Variants in ABCA12 observed in about 807,000 individuals in gnomAD.
ABCA12 encodes glucosylceramide transporter ABCA12.
ABCA12 carries 156 observed loss-of-function variants against 293.5 expected under a neutral mutation model. That is an observed-to-expected ratio of 0.53 (90% confidence interval 0.47 to 0.61). The LOEUF is 0.61. Ranked by LOEUF, ABCA12 falls within the 20% of genes least tolerant of loss-of-function variation. The pLI is 0.00. For synonymous variants in ABCA12, 1,063 were observed against 1,108.0 expected (o/e 0.96, Z 0.81); for missense variants, 2,797 against 3,090.2 (o/e 0.91, Z 2.25).
At chr2:214,951,178 T>G in intron 44 of ABCA12, 95 bp from the exon 45 acceptor site, 2 of 1,094,242 alleles carry the variant, frequency 1.8e-6, no homozygotes, top group Admixed American at 1.7e-5. Flanking sequence ...ACTAACAGTG[T>G]ACTAGTCATC....
chr2:215,127,706 C>G (rs1575061637), intron 1 of ABCA12, among the ~76,000 whole-genome samples: 5 of 152,212 alleles, frequency 3.3e-5, no homozygotes, highest in South Asian at 2.1e-4. Context: ...GATGGGTCTC[C>G]TGAAGGCAGC....
chr2:215,114,564 T>C (rs971121922), intron 1 of ABCA12, among the ~76,000 whole-genome samples: 7 of 152,164 alleles, frequency 4.6e-5, no homozygotes, highest in Admixed American at 2.6e-4. Flanking sequence ...CAGGATTCTT[T>C]TTTTTATAAT....
Position 214,931,690 on chromosome 2 carries a change from G to A in ABCA12, c.*944C>T, listed in dbSNP as rs1247556829. On this transcript the variant is annotated 3_prime_UTR_variant, in exon 53 of 53. Coordinates refer to ENST00000272895, the MANE Select transcript of ABCA12 (RefSeq NM_173076.3). ...CCACGTCACTTGCCATTATTAAGAAGTCTATCCTATAGCCATATACACGAT... is the reference window on the plus strand; with the variant it reads ...CCACGTCACTTGCCATTATTAAGAAATCTATCCTATAGCCATATACACGAT... The A allele has an allele frequency of 6.6e-6, 1 of 152,582 alleles. No individual in the cohort carries two copies. Among genetic ancestry groups the A allele is most frequent in the Non-Finnish European group, 1.5e-5 (1 of 68,074 alleles). The allele number at this position is 152,582 out of a possible 1,614,324, so 9.5% of individuals were successfully genotyped here.
rs190015552 is a variant in ABCA12 at position 214,945,830 on chromosome 2, G to A, written c.7240-726C>T. On this transcript the variant is annotated intron_variant, in intron 48 of 52. Transcript: ENST00000272895. The stretch of plus-strand genomic sequence containing the variant: ...AACTAGAGGCTTGTTTTTACAGAAT[G>A]ATGTAAAATCTAAAGAAAGGAATGG... Among the ~76,000 whole-genome samples, 21 of 152,250 alleles carry A rather than the reference G, an allele frequency of 1.4e-4. 1 individual carries two copies. The highest frequency in any genetic ancestry group is 4.8e-4 in the African/African-American group (20 of 41,544).
At chr2:214,981,469 A>T (rs1574959671) in intron 30 of ABCA12, among the ~76,000 whole-genome samples, 1 of 152,104 alleles carries the variant, frequency 6.6e-6, no homozygotes, top group Non-Finnish European at 1.5e-5. Flanking sequence ...GATATCTCTA[A>T]TTAGATTCTT....
At position 214,989,187 on chromosome 2, in the gene ABCA12, C is replaced by CATATATATATATATATATATATACAT. The variant is rs71399168; in HGVS notation, c.3829+141_3829+142insATGTATATATATATATATATATATAT. On this transcript the variant is annotated intron_variant, in intron 26 of 52. Transcript: ENST00000272895. ...GAGGGAGACTCCATCTCAATACATA[C>CATATATATATATATATATATATACAT]ATATATATATATATATATATATAAT... is the stretch of plus-strand genomic sequence containing the variant. 3.6e-3 allele frequency: 102 copies of CATATATATATATATATATATATACAT among 28,148 alleles called. 2 individuals are homozygous for CATATATATATATATATATATATACAT. The highest frequency in any genetic ancestry group is 6.1e-3 in the African/African-American group (98 of 16,024). The allele number at this position is 28,148 out of a possible 1,614,324, so 1.7% of individuals were successfully genotyped here. A position where few individuals can be genotyped will look rare whatever the true frequency, so the allele number is the denominator to read the frequency against.
At chr2:215,054,773 A>G (rs774172023) in intron 3 of ABCA12, 109 bp from the exon 4 acceptor site, 3 of 813,762 alleles carry the variant, frequency 3.7e-6, no homozygotes, top group Admixed American at 3.8e-5. Context: ...CAAATATTTA[A>G]TATAGTTTCC....
chr2:214,959,781 G>C (rs1278405090), intron 39 of ABCA12, among the ~76,000 whole-genome samples: 1 of 152,114 alleles, frequency 6.6e-6, no homozygotes, highest in Non-Finnish European at 1.5e-5. Flanking sequence ...GTTTATACTT[G>C]AGTAAAAAAC....
chr2:214,989,898 G>A (rs1699877356), intron 24 of ABCA12, among the ~76,000 whole-genome samples: 1 of 152,084 alleles, frequency 6.6e-6, no homozygotes, highest in Admixed American at 6.6e-5. Flanking sequence ...ATGTTGCTCA[G>A]CAAGTAATAA....
Position 215,015,589 on chromosome 2 carries a change from T to C in ABCA12, c.1857A>G (p.Lys619=). ...CTGAAAGAGACAGGTTGCAGAATTC[T>C]TTCATTGCATCTTCTAGTTTGGGAG... ...ITTPKLEDAM[K]EFCNLSLSER... Residue 619 remains lysine, a synonymous_variant, in exon 15 of 53, where the codon AAA becomes AAG. Coordinates refer to ENST00000272895, the MANE Select transcript of ABCA12 (RefSeq NM_173076.3). 1 of 1,614,106 alleles carries C rather than the reference T, an allele frequency of 6.2e-7. No homozygotes were observed. The highest frequency in any genetic ancestry group is 8.5e-7 in the Non-Finnish European group (1 of 1,179,966).
At chr2:215,000,670 T>A in intron 22 of ABCA12, 35 bp downstream of exon 22, 1 of 1,611,812 alleles carries the variant, frequency 6.2e-7, no homozygotes. Flanking sequence ...GAAAAGTTGT[T>A]GATCATTAAA....
intron 45 of ABCA12, among the ~76,000 whole-genome samples, chr2:214,949,757 G>T (rs1022194743): frequency 2.6e-5 from 4 of 152,116 alleles, no homozygotes; most frequent in Admixed American, 6.6e-5. Flanking sequence ...GTTTTTTGGG[G>T]AGGACTGGAA....
chr2:214,967,958 T>C (rs916245452), intron 38 of ABCA12, among the ~76,000 whole-genome samples: 4 of 152,152 alleles, frequency 2.6e-5, no homozygotes, highest in Non-Finnish European at 5.9e-5. Context: ...CTCTACCTCA[T>C]TTTAGGTATA....
At chr2:214,985,163 C>T (rs1196633708) in intron 28 of ABCA12, among the ~76,000 whole-genome samples, 3 of 152,124 alleles carry the variant, frequency 2.0e-5, no homozygotes, top group Non-Finnish European at 2.9e-5. Flanking sequence ...CTATTTAGAA[C>T]AATAAAATGG....
intron 5 of ABCA12, 73 bp downstream of exon 5, chr2:215,052,414 T>C (rs529985859): frequency 7.9e-7 from 1 of 1,265,190 alleles, no homozygotes; most frequent in East Asian, 2.4e-5. Flanking sequence ...TCTTGCTATT[T>C]GAGAGATCCT....
chr2:214,953,666 C>T (rs1430597738), intron 44 of ABCA12, among the ~76,000 whole-genome samples, 188 bp downstream of exon 44: 1 of 152,158 alleles, frequency 6.6e-6, no homozygotes, highest in African/African-American at 2.4e-5. Flanking sequence ...GTTGCAGTCA[C>T]ATATTAAGAT....
At chr2:215,086,102 T>C (rs1366168758) in intron 2 of ABCA12, among the ~76,000 whole-genome samples, 3 of 152,178 alleles carry the variant, frequency 2.0e-5, no homozygotes, top group Admixed American at 6.5e-5. Context: ...ACTACATTTA[T>C]TGCGCACCAA....
At position 215,126,871 on chromosome 2, in the gene ABCA12, A is replaced by G. The variant is rs538614149; in HGVS notation, c.69+11269T>C. On this transcript the variant is annotated intron_variant, in intron 1 of 52. Coordinates refer to ENST00000272895, the MANE Select transcript of ABCA12 (RefSeq NM_173076.3). ...TTGTTCTTGTTTCTCTAGTTCCTTGAGGTGTGACCTTAGAGTGTCAATTTG... is the reference window on the plus strand; with the variant it reads ...TTGTTCTTGTTTCTCTAGTTCCTTGGGGTGTGACCTTAGAGTGTCAATTTG... 1.3e-4 allele frequency among the ~76,000 whole-genome samples: 20 copies of G among 151,632 alleles called. 1 individual carries two copies. The highest frequency in any genetic ancestry group is 2.1e-4 in the South Asian group (1 of 4,794).
At chr2:215,092,376 G>A (rs547979652) in intron 2 of ABCA12, among the ~76,000 whole-genome samples, 52 of 151,986 alleles carry the variant, frequency 3.4e-4, no homozygotes, top group African/African-American at 1.1e-3. Flanking sequence ...AAAATTATCC[G>A]CTACTCTGTT....
Sources: allele counts gnomAD v4.1 joint callset (sites outside exome capture counted in the v4.1 genomes callset), GRCh38; gene constraint gnomAD v4.1.1; transcripts MANE v1.5; gene names NCBI Gene and HGNC (gene_info 2026-07-23, HGNC 2026-07-21).